Variants in ESRRG observed in about 807,000 individuals in gnomAD.
ESRRG encodes the protein estrogen-related receptor gamma.
ESRRG carries 13 observed loss-of-function variants against 44.0 expected under a neutral mutation model. The ratio of observed to expected loss-of-function variants is 0.30; its 90% CI spans 0.19 to 0.47. The LOEUF (loss-of-function observed/expected upper bound fraction) is 0.47, where lower values mean the gene tolerates loss of function less well. Ranked by LOEUF, ESRRG falls within the 20% of genes least tolerant of loss-of-function variation. ESRRG has a pLI of 1.00. For synonymous variants in ESRRG, 215 were observed against 214.6 expected, an observed-to-expected ratio of 1.00 and a Z score of -0.02; for missense variants, 395 against 580.6, an observed-to-expected ratio of 0.68 and a Z score of 3.29.
At chr1:216,831,111 C>A (rs569479860) in intron 2 of ESRRG, among the ~76,000 whole-genome samples, 1 of 151,872 alleles carries the variant, frequency 6.6e-6, no homozygotes, top group Admixed American at 6.6e-5. Flanking sequence ...TTCTCTCCAA[C>A]AGGGTAATTT....
At chr1:216,911,391 CAAAATTGTGGGGACAATTAAAAG>C (rs903173576) in intron 2 of ESRRG, among the ~76,000 whole-genome samples, 1 of 151,982 alleles carries the variant, frequency 6.6e-6, no homozygotes, top group Non-Finnish European at 1.5e-5. Context: ...TATGAAAAGG[CAAAATTGTGGGGACAATTAAAAG>C]ATCATTGACT....
In ESRRG at chr1:216,665,271, T is replaced by C. The variant is rs143620431; in HGVS notation, c.472+11805A>G. Among the ~76,000 whole-genome samples the C allele has an allele frequency of 2.1e-3, 323 of 152,300 alleles. 13 individuals carry two copies. In the East Asian group the frequency reaches 0.055, roughly 26 times the overall value. ...TAGAAAAAAAAAATCCTCATCTCTA[T>C]ACGGTTCAGTCCCATCTGTGGTTTC... is the stretch of plus-strand genomic sequence containing the variant. On this transcript the variant is annotated intron_variant, in intron 2 of 6. Transcript: ENST00000408911.
intron 1 of ESRRG, among the ~76,000 whole-genome samples, chr1:217,085,955 A>G (rs1423221268): frequency 6.6e-6 from 1 of 152,230 alleles, no homozygotes; most frequent in Admixed American, 6.5e-5. Context: ...GCAAAGCCGT[A>G]TGATTTCACA....
intron 1 of ESRRG, among the ~76,000 whole-genome samples, 181 bp downstream of exon 1, chr1:216,723,063 T>C (rs2086690928): frequency 6.6e-6 from 1 of 152,096 alleles, no homozygotes; most frequent in Non-Finnish European, 1.5e-5. Context: ...AGAACAATTC[T>C]CGACTTACTG....
At chr1:216,957,410 G>A (rs754566817) in intron 1 of ESRRG, among the ~76,000 whole-genome samples, 1 of 152,010 alleles carries the variant, frequency 6.6e-6, no homozygotes, top group African/African-American at 2.4e-5. Flanking sequence ...ATGCATATTT[G>A]TCTAATATGC....
chr1:216,542,517 CA>C (rs1396326294), intron 5 of ESRRG, among the ~76,000 whole-genome samples: 2 of 151,974 alleles, frequency 1.3e-5, no homozygotes, highest in East Asian at 1.9e-4. Context: ...GGAGAATTAA[CA>C]GATAGAAAGC....
At chr1:216,921,144 T>C (rs2061784454) in intron 2 of ESRRG, among the ~76,000 whole-genome samples, 2 of 152,160 alleles carry the variant, frequency 1.3e-5, no homozygotes, top group African/African-American at 4.8e-5. Context: ...AAAAATAAAG[T>C]TGGCAAGATT....
At chr1:217,129,331 A>G (rs965226392) in intron 1 of ESRRG, among the ~76,000 whole-genome samples, 1 of 152,262 alleles carries the variant, frequency 6.6e-6, no homozygotes, top group Non-Finnish European at 1.5e-5. Flanking sequence ...AAATAAAAGG[A>G]AAATAAATGT....
intron 2 of ESRRG, among the ~76,000 whole-genome samples, chr1:216,827,112 T>C (rs2095411142): frequency 6.6e-6 from 1 of 152,184 alleles, no homozygotes; most frequent in South Asian, 2.1e-4. Context: ...ATGTTAACAG[T>C]GGCTTTCTGT....
chr1:216,674,947 A>T (rs1464853124), intron 2 of ESRRG, among the ~76,000 whole-genome samples: 2 of 152,080 alleles, frequency 1.3e-5, no homozygotes, highest in Non-Finnish European at 2.9e-5. Context: ...CATCAGCCAC[A>T]GATCAAGGAA....
intron 1 of ESRRG, among the ~76,000 whole-genome samples, chr1:217,061,436 G>C (rs2088470904): frequency 6.6e-6 from 1 of 152,080 alleles, no homozygotes; most frequent in Admixed American, 6.6e-5. Context: ...TCTTGCCTAG[G>C]ACTGCTTTCA....
At chr1:216,874,960 C>A (rs2096325704) in intron 2 of ESRRG, among the ~76,000 whole-genome samples, 1 of 152,170 alleles carries the variant, frequency 6.6e-6, no homozygotes, top group Non-Finnish European at 1.5e-5. Context: ...TTGCCAGGGG[C>A]TCTTGGGCCT....
chr1:216,957,059 T>C, intron 1 of ESRRG, among the ~76,000 whole-genome samples: 1 of 152,206 alleles, frequency 6.6e-6, no homozygotes, highest in East Asian at 1.9e-4. Flanking sequence ...TTCCAAAGAA[T>C]TTAAATGTGA....
At chr1:216,659,875 T>C (rs2071798180) in intron 2 of ESRRG, among the ~76,000 whole-genome samples, 1 of 152,148 alleles carries the variant, frequency 6.6e-6, no homozygotes, top group Non-Finnish European at 1.5e-5. Flanking sequence ...AGCGTCTTAC[T>C]CCTTTCAGAA....
chr1:216,982,175 C>G (rs1005760873), intron 1 of ESRRG, among the ~76,000 whole-genome samples: 2 of 152,196 alleles, frequency 1.3e-5, no homozygotes, highest in Admixed American at 6.5e-5. Flanking sequence ...AACAGCTTAG[C>G]TGCACTCAGT....
chr1:216,965,512 C>T (rs1299138018), intron 1 of ESRRG, among the ~76,000 whole-genome samples: 3 of 152,196 alleles, frequency 2.0e-5, no homozygotes, highest in East Asian at 1.9e-4. Flanking sequence ...TGTGGCTGGA[C>T]CCTTCTCCAT....
intron 1 of ESRRG, among the ~76,000 whole-genome samples, chr1:217,118,611 A>T (rs2092771165): frequency 6.6e-6 from 1 of 152,200 alleles, no homozygotes. Flanking sequence ...ATGCAAAAAG[A>T]ATGCATACAA....
At chr1:216,982,258 C>A (rs1286754652) in intron 1 of ESRRG, among the ~76,000 whole-genome samples, 1 of 152,148 alleles carries the variant, frequency 6.6e-6, no homozygotes, top group Non-Finnish European at 1.5e-5. Context: ...CAGCCTTTCA[C>A]TGGATAGAAA....
chr1:216,764,028 C>A (rs1378320348), intron 2 of ESRRG, among the ~76,000 whole-genome samples: 2 of 152,200 alleles, frequency 1.3e-5, no homozygotes, highest in East Asian at 3.9e-4. Flanking sequence ...CAATGTCTTA[C>A]AAGGTATGAT....
Sources: allele counts gnomAD v4.1 joint callset (sites outside exome capture counted in the v4.1 genomes callset), GRCh38; gene constraint gnomAD v4.1.1; transcripts MANE v1.5; gene names NCBI Gene and HGNC (gene_info 2026-07-23, HGNC 2026-07-21).